The following AGMO variants were observed in gnomAD, a reference collection of about 807,000 sequenced individuals.
AGMO encodes the protein alkylglycerol monooxygenase, also known as glyceryl-ether monooxygenase.
A neutral mutation model predicts 60.2 loss-of-function variants in AGMO; 75 were observed. The observed-to-expected ratio is 1.25, with a 90% CI of 1.03 to 1.51. AGMO has a LOEUF of 1.51. AGMO is among the 40% of genes most tolerant of loss of function. The pLI, the probability that AGMO is intolerant of heterozygous loss-of-function variation, is 0.00. For synonymous variants in AGMO, 261 were observed against 177.1 expected, an observed-to-expected ratio of 1.47 and a Z score of -3.76; for missense variants, 763 against 525.5, an observed-to-expected ratio of 1.45 and a Z score of -4.42.
chr7:15,254,137 T>C (rs527423791), intron 12 of AGMO, among the ~76,000 whole-genome samples: 72 of 152,260 alleles, frequency 4.7e-4, no homozygotes, highest in African/African-American at 6.7e-4. Context: ...CATTCATCCA[T>C]TGATGGGCAT....
intron 8 of AGMO, among the ~76,000 whole-genome samples, chr7:15,387,904 C>CTTT (rs11437914): frequency 0.037 from 5,129 of 137,588 alleles, 326 homozygotes; most frequent in African/African-American, 0.13. Context: ...GACACATTCT[C>CTTT]TTTTTTTTTT....
intron 5 of AGMO, among the ~76,000 whole-genome samples, chr7:15,405,716 C>A (rs1784667424): frequency 6.6e-6 from 1 of 151,878 alleles, no homozygotes; most frequent in Non-Finnish European, 1.5e-5. Flanking sequence ...AGTATGATTA[C>A]TGTTACTTAA....
chr7:15,345,214 C>G (rs1209064281), intron 12 of AGMO, among the ~76,000 whole-genome samples: 7 of 152,180 alleles, frequency 4.6e-5, no homozygotes, highest in Admixed American at 3.9e-4. Flanking sequence ...GTATACCCAT[C>G]AGTTTCTGAT....
intron 10 of AGMO, among the ~76,000 whole-genome samples, chr7:15,381,163 C>T (rs910360755): frequency 6.6e-6 from 1 of 151,856 alleles, no homozygotes; most frequent in Non-Finnish European, 1.5e-5. Flanking sequence ...TGCAACAAAA[C>T]CAAAAATTAA....
At chr7:15,397,512 A>G (rs1583508762) in intron 5 of AGMO, among the ~76,000 whole-genome samples, 1 of 152,194 alleles carries the variant, frequency 6.6e-6, no homozygotes, top group African/African-American at 2.4e-5. Flanking sequence ...GCCCAGGCCA[A>G]GAAGGCGCTG....
chr7:15,347,597 C>G (rs966629641), intron 12 of AGMO, among the ~76,000 whole-genome samples: 1 of 136,294 alleles, frequency 7.3e-6, no homozygotes, highest in Non-Finnish European at 1.6e-5. Context: ...ATCCTCAGTC[C>G]GAACTCACTG....
At chr7:15,135,974 C>CTTTTATTTTTTTTTTTTTTTT in the AGMO span, among the ~76,000 whole-genome samples, 1 of 63,808 alleles carries the variant, frequency 1.6e-5, no homozygotes, top group Non-Finnish European at 3.6e-5. Context: ...TATATTTTTT[C>CTTTTATTTTTTTTTTTTTTTT]TTTTCTTTTT....
intron 12 of AGMO, among the ~76,000 whole-genome samples, chr7:15,248,881 G>A (rs1212149014): frequency 1.3e-5 from 2 of 152,204 alleles, no homozygotes; most frequent in Non-Finnish European, 2.9e-5. Context: ...TCACTGCAAT[G>A]TAAGAAAACG....
chr7:15,373,639 C>A (rs1208281846), intron 10 of AGMO, among the ~76,000 whole-genome samples: 2 of 152,122 alleles, frequency 1.3e-5, no homozygotes, highest in African/African-American at 4.8e-5. Flanking sequence ...ACAAACCTCA[C>A]AAAGGAGGTA....
At chr7:15,441,182 A>G (rs1448946913) in intron 3 of AGMO, among the ~76,000 whole-genome samples, 3 of 152,236 alleles carry the variant, frequency 2.0e-5, no homozygotes, top group Non-Finnish European at 2.9e-5. Context: ...ATTTTTGGAT[A>G]AGGGAGTTTA....
intron 5 of AGMO, among the ~76,000 whole-genome samples, chr7:15,411,610 C>A (rs1301477712): frequency 6.6e-6 from 1 of 151,784 alleles, no homozygotes; most frequent in Non-Finnish European, 1.5e-5. Context: ...TAAAAAAAAT[C>A]TCCCAGGCAA....
At chr7:15,416,498 G>T (rs890387055) in intron 5 of AGMO, among the ~76,000 whole-genome samples, 4 of 152,042 alleles carry the variant, frequency 2.6e-5, no homozygotes, top group Non-Finnish European at 5.9e-5. Context: ...TAGGAGAACT[G>T]AATCTTCTTC....
chr7:15,374,838 C>T (rs868554075), intron 10 of AGMO, among the ~76,000 whole-genome samples: 2 of 151,816 alleles, frequency 1.3e-5, no homozygotes, highest in African/African-American at 4.8e-5. Flanking sequence ...AAATAGAGTA[C>T]CAAAAAAGGA....
At chr7:15,228,761 T>A (rs1782163737) in intron 12 of AGMO, among the ~76,000 whole-genome samples, 1 of 152,154 alleles carries the variant, frequency 6.6e-6, no homozygotes, top group Admixed American at 6.6e-5. Flanking sequence ...CTCTGTGATT[T>A]GTTTTGATAG....
chr7:15,516,848 G>T (rs1171193268), intron 3 of AGMO, among the ~76,000 whole-genome samples: 1 of 151,512 alleles, frequency 6.6e-6, no homozygotes, highest in Non-Finnish European at 1.5e-5. Flanking sequence ...AATTCCTTCT[G>T]GCTCTGGAGA....
chr7:15,305,240 TAAA>T (rs11351669), intron 12 of AGMO, among the ~76,000 whole-genome samples: 3 of 117,958 alleles, frequency 2.5e-5, no homozygotes, highest in Admixed American at 9.1e-5. Context: ...GCAATCTGGT[TAAA>T]AAAAAAAAAA....
chr7:15,380,790 G>A (rs1783651208), intron 10 of AGMO, among the ~76,000 whole-genome samples: 1 of 152,130 alleles, frequency 6.6e-6, no homozygotes, highest in Non-Finnish European at 1.5e-5. Flanking sequence ...TACACTACAG[G>A]TCTACAGTAA....
chr7:15,507,043 T>G (rs1362057432), intron 3 of AGMO, among the ~76,000 whole-genome samples: 3 of 152,056 alleles, frequency 2.0e-5, no homozygotes, highest in African/African-American at 7.2e-5. Context: ...GTGCTTTATT[T>G]TTTAAAAAAG....
the AGMO span, among the ~76,000 whole-genome samples, chr7:15,126,058 C>T: frequency 5.3e-5 from 8 of 152,038 alleles, no homozygotes; most frequent in Admixed American, 5.2e-4. Flanking sequence ...GTACCACAGT[C>T]TACTCCAAAA....
Sources: allele counts gnomAD v4.1 joint callset (sites outside exome capture counted in the v4.1 genomes callset), GRCh38; gene constraint gnomAD v4.1.1; transcripts MANE v1.5; gene names NCBI Gene and HGNC (gene_info 2026-07-23, HGNC 2026-07-21).